The following LRRC20 variants were observed in gnomAD, a reference collection of about 807,000 sequenced individuals.
LRRC20 encodes the protein leucine rich repeat containing 20.
LRRC20 carries 11 observed loss-of-function variants against 14.4 expected under a neutral mutation model. The ratio of observed to expected loss-of-function variants is 0.77; its 90% CI spans 0.48 to 1.27. The LOEUF (loss-of-function observed/expected upper bound fraction) is 1.27. Among genes scored for constraint, LRRC20 ranks in the 50% most tolerant of loss-of-function variants. The pLI is 0.00. For synonymous variants in LRRC20, 121 were observed against 107.3 expected (o/e 1.13, Z -0.79); for missense variants, 219 against 251.2 (o/e 0.87, Z 0.87).
chr10:70,325,357 C>A (rs1423164826), intron 3 of LRRC20, among the ~76,000 whole-genome samples: 1 of 152,194 alleles, frequency 6.6e-6, no homozygotes, highest in African/African-American at 2.4e-5. Flanking sequence ...AGGATAGCGG[C>A]CTGCTCTCCC....
In LRRC20 at chr10:70,304,473, TA is replaced by T. The variant is rs2136859006; in HGVS notation, c.401-2966del. ...ATATAGATATCAGGCCACTTCTTTA[TA>T]TATATATATATATATATATATATAT... On this transcript the variant is annotated intron_variant, in intron 4 of 4. Transcript: ENST00000446961. Among the ~76,000 whole-genome samples the T allele has an allele frequency of 2.7e-4, 3 of 11,176 alleles. No homozygotes were observed. The South Asian group carries it at 0.013, about 47-fold the overall frequency. The allele number at this position is 11,176 out of a possible 152,430, so 7.3% of individuals were successfully genotyped here.
chr10:70,332,738 C>T (rs1222875447), intron 3 of LRRC20, among the ~76,000 whole-genome samples: 1 of 152,144 alleles, frequency 6.6e-6, no homozygotes, highest in Non-Finnish European at 1.5e-5. Context: ...CAGTACCTAC[C>T]CTTGGTGGCA....
intron 2 of LRRC20, among the ~76,000 whole-genome samples, chr10:70,364,975 T>C (rs1251428496): frequency 6.6e-6 from 1 of 151,948 alleles, no homozygotes; most frequent in African/African-American, 2.4e-5. Context: ...AGCCAGTGAT[T>C]CTCAAAATTC....
chr10:70,309,726 C>T (rs559822670), intron 4 of LRRC20, among the ~76,000 whole-genome samples: 1 of 152,372 alleles, frequency 6.6e-6, no homozygotes, highest in African/African-American at 2.4e-5. Context: ...AGGACCCTCC[C>T]TACTCTGGAC....
intron 4 of LRRC20, among the ~76,000 whole-genome samples, chr10:70,317,433 G>T (rs115528929): frequency 0.014 from 2,075 of 152,108 alleles, 52 homozygotes; most frequent in African/African-American, 0.047. Context: ...GTACAGTGGT[G>T]CAATCATAGT....
At chr10:70,378,093 G>C (rs988082709) in intron 1 of LRRC20, among the ~76,000 whole-genome samples, 1 of 152,134 alleles carries the variant, frequency 6.6e-6, no homozygotes, top group Non-Finnish European at 1.5e-5. Flanking sequence ...CCCAGGACAC[G>C]TAAATACTCA....
intron 4 of LRRC20, among the ~76,000 whole-genome samples, chr10:70,302,835 C>G (rs972826076): frequency 6.6e-6 from 1 of 151,894 alleles, no homozygotes; most frequent in Non-Finnish European, 1.5e-5. Flanking sequence ...CTCAGCCTCC[C>G]GTGTAGCTGG....
At chr10:70,302,554 T>C (rs1177993665) in intron 4 of LRRC20, among the ~76,000 whole-genome samples, 1 of 151,972 alleles carries the variant, frequency 6.6e-6, no homozygotes, top group Non-Finnish European at 1.5e-5. Context: ...CGCAACATGG[T>C]GAAAGTAATT....
In LRRC20 at chr10:70,329,840, C is replaced by G. The variant is rs1842469281; in HGVS notation, c.233-5810G>C. Among the ~76,000 whole-genome samples the G allele has an allele frequency of 2.0e-5, 3 of 152,218 alleles. No individual in the cohort carries two copies. In the South Asian group the frequency reaches 6.2e-4, roughly 32 times the overall value. ...TCAGCCTCCCAAAGTGCTGGGATTA[C>G]AGGCGTGAGCCACCTCGCCCAGCCT... is the stretch of plus-strand genomic sequence containing the variant. On this transcript the variant is annotated intron_variant, in intron 3 of 4. Coordinates refer to ENST00000446961, the MANE Select transcript of LRRC20 (RefSeq NM_001278212.2).
chr10:70,377,000 G>A (rs903408552), intron 1 of LRRC20, among the ~76,000 whole-genome samples: 14 of 152,294 alleles, frequency 9.2e-5, no homozygotes, highest in African/African-American at 2.6e-4. Context: ...CCATCCCACA[G>A]CCTCTAAGCT....
chr10:70,301,236 T>G lies in LRRC20; in HGVS notation c.*118A>C. ...GACCAGCTGCACCCCACCCACCACGTGCTGCTCGGCCCACCCGCCCCCAGC... is the reference window on the plus strand; with the variant it reads ...GACCAGCTGCACCCCACCCACCACGGGCTGCTCGGCCCACCCGCCCCCAGC... On this transcript the variant is annotated 3_prime_UTR_variant, in exon 5 of 5. Transcript: ENST00000446961. 1 of 1,464,812 alleles carries G rather than the reference T, an allele frequency of 6.8e-7. No individual in the cohort carries two copies. Among genetic ancestry groups the G allele is most frequent in the Non-Finnish European group, 9.0e-7 (1 of 1,114,172 alleles). 90.7% of individuals were successfully genotyped at this position (1,464,812 alleles called of 1,614,324 possible).
In LRRC20 at chr10:70,300,972, A is replaced by G. The variant is rs922487633; in HGVS notation, c.*382T>C. The G allele has an allele frequency of 2.0e-6, 2 of 1,010,400 alleles. No individual in the cohort carries two copies. Among genetic ancestry groups the G allele is most frequent in the African/African-American group, 1.7e-5 (1 of 58,212 alleles). The allele number at this position is 1,010,400 out of a possible 1,614,324, so 62.6% of individuals were successfully genotyped here. A position where few individuals can be genotyped will look rare whatever the true frequency, so the allele number is the denominator to read the frequency against. ...GCAGGGGCTCAGAAAATACCTGGCA[A>G]TGCCCACCTGTGCCTGCTGATCTGG... On this transcript the variant is annotated 3_prime_UTR_variant, in exon 5 of 5. Coordinates refer to ENST00000446961, the MANE Select transcript of LRRC20 (RefSeq NM_001278212.2).
intron 2 of LRRC20, among the ~76,000 whole-genome samples, chr10:70,359,689 C>T (rs1448549832): frequency 1.3e-5 from 2 of 152,238 alleles, no homozygotes; most frequent in Non-Finnish European, 2.9e-5. Context: ...CCAAGCCAGG[C>T]TGCTTATTAT....
chr10:70,319,299 C>T (rs6480452), intron 4 of LRRC20, among the ~76,000 whole-genome samples: 2,531 of 152,246 alleles, frequency 0.017, 97 homozygotes, highest in African/African-American at 0.058. Flanking sequence ...CGTTTGTCTT[C>T]ACCCTCACAT....
chr10:70,316,384 C>G (rs1293536003), intron 4 of LRRC20, among the ~76,000 whole-genome samples: 1 of 152,248 alleles, frequency 6.6e-6, no homozygotes, highest in African/African-American at 2.4e-5. Context: ...CCACCTACCT[C>G]AGCATACCAA....
In LRRC20 at chr10:70,300,985, C is replaced by T. The variant is rs1841154483; in HGVS notation, c.*369G>A. 2.0e-6 allele frequency: 2 copies of T among 1,020,504 alleles called. No homozygotes were observed. Among genetic ancestry groups the T allele is most frequent in the African/African-American group, 3.4e-5 (2 of 58,632 alleles). 63.2% of individuals were successfully genotyped at this position (1,020,504 alleles called of 1,614,324 possible). On this transcript the variant is annotated 3_prime_UTR_variant, in exon 5 of 5. Transcript: ENST00000446961. ...AAATACCTGGCAATGCCCACCTGTG[C>T]CTGCTGATCTGGAGGTAACTTGGAG...
chr10:70,354,838 ACAC>A, intron 2 of LRRC20, among the ~76,000 whole-genome samples: 1 of 152,174 alleles, frequency 6.6e-6, no homozygotes, highest in Non-Finnish European at 1.5e-5. Flanking sequence ...ACTCAGAGGC[ACAC>A]GTGACCCTCG....
intron 2 of LRRC20, among the ~76,000 whole-genome samples, chr10:70,347,867 C>T (rs1358936928): frequency 6.6e-6 from 1 of 151,068 alleles, no homozygotes; most frequent in Non-Finnish European, 1.5e-5. Context: ...AAACAAGCAA[C>T]ATACAAGCCC....
At chr10:70,365,758 G>A (rs999573527) in intron 2 of LRRC20, among the ~76,000 whole-genome samples, 14 of 151,940 alleles carry the variant, frequency 9.2e-5, no homozygotes, top group South Asian at 2.1e-4. Flanking sequence ...CAAAAGATTC[G>A]AATAGAGATT....
Sources: allele counts gnomAD v4.1 joint callset (sites outside exome capture counted in the v4.1 genomes callset), GRCh38; gene constraint gnomAD v4.1.1; transcripts MANE v1.5; gene names NCBI Gene and HGNC (gene_info 2026-07-23, HGNC 2026-07-21).